HHAT: variants seen among roughly 807,000 people sequenced by gnomAD.
HHAT encodes the protein protein-cysteine N-palmitoyltransferase HHAT.
HHAT carries 47 observed loss-of-function variants against 70.8 expected under a neutral mutation model. The observed-to-expected ratio is 0.66, with a 90% confidence interval of 0.53 to 0.85. The LOEUF (loss-of-function observed/expected upper bound fraction) is 0.85, where lower values mean the gene tolerates loss of function less well. HHAT is among the 40% of genes least tolerant of loss of function. The probability of loss-of-function intolerance (pLI) is 0.00; values close to 1 mark genes in which losing one functional copy is unlikely to be tolerated. For synonymous variants in HHAT, 228 were observed against 247.6 expected, an observed-to-expected ratio of 0.92 and a Z score of 0.74; for missense variants, 609 against 604.8, an observed-to-expected ratio of 1.01 and a Z score of -0.07.
At position 210,674,032 on chromosome 1, in the gene HHAT, A is replaced by G. The variant is rs1018930682; in HGVS notation, c.1391-256A>G. Among the ~76,000 whole-genome samples, 8 of 151,102 alleles carry G rather than the reference A, an allele frequency of 5.3e-5. No homozygotes were observed. The South Asian group carries it at 1.3e-3, about 24-fold the overall frequency. ...GTGCAGGTTAGTTACATATGTATACATGTGCCATGCTGGTGCGCTGCACCC... is the reference window on the plus strand; with the variant it reads ...GTGCAGGTTAGTTACATATGTATACGTGTGCCATGCTGGTGCGCTGCACCC... On this transcript the variant is annotated intron_variant, in intron 11 of 11. Coordinates refer to ENST00000261458, the MANE Select transcript of HHAT (RefSeq NM_018194.6).
At chr1:210,402,215 C>T (rs902268264) in intron 5 of HHAT, among the ~76,000 whole-genome samples, 4 of 152,170 alleles carry the variant, frequency 2.6e-5, no homozygotes, top group Admixed American at 1.3e-4. Context: ...AGCTTCAGAG[C>T]CCTTCACTTT....
chr1:210,393,507 G>A (rs916091141), intron 4 of HHAT, among the ~76,000 whole-genome samples: 4 of 152,154 alleles, frequency 2.6e-5, no homozygotes, highest in African/African-American at 4.8e-5. Flanking sequence ...GGCTGGGCAC[G>A]TTACTATGGG....
chr1:210,506,713 A>G (rs2094861242), intron 8 of HHAT, among the ~76,000 whole-genome samples: 1 of 152,224 alleles, frequency 6.6e-6, no homozygotes, highest in Admixed American at 6.5e-5. Flanking sequence ...ACATAAAATA[A>G]TCAGTGTATT....
intron 7 of HHAT, among the ~76,000 whole-genome samples, chr1:210,453,904 A>C (rs1053896718): frequency 6.6e-6 from 1 of 152,196 alleles, no homozygotes; most frequent in Non-Finnish European, 1.5e-5. Flanking sequence ...CGAAACTGGC[A>C]ATAAAAAGAG....
At chr1:210,518,823 T>C (rs1297159512) in intron 9 of HHAT, among the ~76,000 whole-genome samples, 1 of 152,140 alleles carries the variant, frequency 6.6e-6, no homozygotes, top group Non-Finnish European at 1.5e-5. Flanking sequence ...GCAAGAAGTT[T>C]CAATTCAGGG....
chr1:210,461,847 G>T lies in HHAT; in HGVS notation c.857-2658G>T, dbSNP rs527354042. Among the ~76,000 whole-genome samples, 26 of 152,162 alleles carry T rather than the reference G, an allele frequency of 1.7e-4. No homozygotes were observed. The South Asian group carries it at 3.5e-3, about 21-fold the overall frequency. The stretch of plus-strand genomic sequence containing the variant: ...TATCTTAAGCCGTAAGAAATATTCA[G>T]TGACAGGAAAATAGAGCACTTGTAT... On this transcript the variant is annotated intron_variant, in intron 7 of 11. Transcript: ENST00000261458.
chr1:210,391,548 T>TA (rs1387964762), intron 4 of HHAT, among the ~76,000 whole-genome samples: 1 of 151,936 alleles, frequency 6.6e-6, no homozygotes, highest in South Asian at 2.1e-4. Flanking sequence ...ATAAATTTCA[T>TA]AAAAAAGACA....
rs541795412 is a variant in HHAT at position 210,336,287 on chromosome 1, A to ATT, written c.-44+7205_-44+7206dup. Among the ~76,000 whole-genome samples, 49 of 84,598 alleles carry ATT rather than the reference A, an allele frequency of 5.8e-4. 2 individuals carry two copies. The highest frequency in any genetic ancestry group is 1.4e-3 in the Admixed American group (11 of 7,720). The allele number at this position is 84,598 out of a possible 152,430, so 55.5% of individuals were successfully genotyped here. A position where few individuals can be genotyped will look rare whatever the true frequency, so the allele number is the denominator to read the frequency against. ...AGGCATGCACCACTGTGCCTGGCTA[A>ATT]TTTTTTTTTTTTTTTTTTTTTTTAG... On this transcript the variant is annotated intron_variant, in intron 1 of 11. Transcript: ENST00000261458.
At chr1:210,544,367 GTTTTTTT>G (rs569514246) in intron 9 of HHAT, among the ~76,000 whole-genome samples, 24 of 90,052 alleles carry the variant, frequency 2.7e-4, no homozygotes, top group East Asian at 1.1e-3. Context: ...TCTTTCTTTC[GTTTTTTT>G]TTTTTTTTTT....
At position 210,392,471 on chromosome 1, in the gene HHAT, C is replaced by T. The variant is rs74875400; in HGVS notation, c.273+4890C>T. On this transcript the variant is annotated intron_variant, in intron 4 of 11. Coordinates refer to ENST00000261458, the MANE Select transcript of HHAT (RefSeq NM_018194.6). ...ATCTCTCCTCTGTGAAATTTTAATA[C>T]TACAGATATCCTGTTTATATCTCTT... Among the ~76,000 whole-genome samples, 825 of 152,262 alleles carry T rather than the reference C, an allele frequency of 5.4e-3. 8 individuals are homozygous for T. Among genetic ancestry groups the T allele is most frequent in the African/African-American group, 0.019 (791 of 41,538 alleles).
chr1:210,653,315 G>A lies in HHAT; in HGVS notation c.1391-20973G>A, dbSNP rs570666657. Among the ~76,000 whole-genome samples, 15 of 152,184 alleles carry A rather than the reference G, an allele frequency of 9.9e-5. No individual in the cohort carries two copies. The South Asian group carries it at 1.5e-3, about 15-fold the overall frequency. The stretch of plus-strand genomic sequence containing the variant: ...CCCAGCACTTTGGGAGGCTGAGGCC[G>A]GCAGATAGCTTGAGCCCAGGAGTTT... On this transcript the variant is annotated intron_variant, in intron 11 of 11. Coordinates refer to ENST00000261458, the MANE Select transcript of HHAT (RefSeq NM_018194.6).
intron 1 of HHAT, among the ~76,000 whole-genome samples, chr1:210,341,795 C>T (rs1261845953): frequency 6.6e-6 from 1 of 152,118 alleles, no homozygotes; most frequent in African/African-American, 2.4e-5. Flanking sequence ...CTATAATTCC[C>T]AGATAAATAT....
At chr1:210,416,750 C>T (rs1047320030) in intron 6 of HHAT, among the ~76,000 whole-genome samples, 3 of 152,156 alleles carry the variant, frequency 2.0e-5, no homozygotes, top group Non-Finnish European at 4.4e-5. Context: ...TAATGCTGCC[C>T]TGTAGCTGGT....
chr1:210,473,493 G>A (rs968003764), intron 8 of HHAT, among the ~76,000 whole-genome samples: 5 of 152,106 alleles, frequency 3.3e-5, no homozygotes, highest in African/African-American at 7.2e-5. Flanking sequence ...CGAGGGGGAC[G>A]GGATGGGGAG....
rs76097441 is a variant in HHAT, at chr1:210,591,512, G to T, written c.1245+3413G>T. ...GAATAGTACTACAGTAAACATGGGA[G>T]TGCAAATATCTCCTTAATTTACCGA... is the stretch of plus-strand genomic sequence containing the variant. On this transcript the variant is annotated intron_variant, in intron 10 of 11. Coordinates refer to ENST00000261458, the MANE Select transcript of HHAT (RefSeq NM_018194.6). Among the ~76,000 whole-genome samples, 341 of 152,226 alleles carry T rather than the reference G, an allele frequency of 2.2e-3. 1 individual carries two copies. Among genetic ancestry groups the T allele is most frequent in the African/African-American group, 7.9e-3 (329 of 41,550 alleles).
chr1:210,428,286 CTATATATA>C (rs66516721), intron 7 of HHAT, among the ~76,000 whole-genome samples: 160 of 101,250 alleles, frequency 1.6e-3, no homozygotes, highest in South Asian at 1.9e-3. Flanking sequence ...TGAGCTTATA[CTATATATA>C]TATATATATA....
chr1:210,396,583 T>C (rs1159625166), intron 4 of HHAT, among the ~76,000 whole-genome samples: 2 of 152,350 alleles, frequency 1.3e-5, no homozygotes, highest in East Asian at 3.9e-4. Context: ...GCAAGTGTGA[T>C]CTTGGGCATT....
chr1:210,432,000 A>G (rs2093258504), intron 7 of HHAT, among the ~76,000 whole-genome samples: 1 of 151,844 alleles, frequency 6.6e-6, no homozygotes, highest in African/African-American at 2.4e-5. Flanking sequence ...CAAATATCCC[A>G]TTTTGCAGTC....
At chr1:210,416,640 GT>G (rs2092729214) in intron 6 of HHAT, among the ~76,000 whole-genome samples, 2 of 152,138 alleles carry the variant, frequency 1.3e-5, no homozygotes. Context: ...CATCTGTGTT[GT>G]CCACTGTATT....
Sources: gnomAD v4.1 joint callset for allele counts (sites outside exome capture counted in the v4.1 genomes callset) on GRCh38, gnomAD v4.1.1 for gene constraint, MANE v1.5 for transcripts, NCBI Gene and HGNC (gene_info 2026-07-23, HGNC 2026-07-21) for gene names.